ARHGAP15: variants seen among roughly 807,000 people sequenced by gnomAD.
The protein encoded by ARHGAP15 is Rho GTPase activating protein 15.
A neutral mutation model predicts 63.7 loss-of-function variants in ARHGAP15; 51 were observed. The ratio of observed to expected loss-of-function variants is 0.80; its 90% confidence interval spans 0.64 to 1.01. ARHGAP15 has a LOEUF of 1.01. ARHGAP15 is among the 50% of genes least tolerant of loss of function. The probability of loss-of-function intolerance (pLI) is 0.00; values close to 1 mark genes in which losing one functional copy is unlikely to be tolerated. For missense variants in ARHGAP15, 560 were observed against 564.6 expected (o/e 0.99, Z 0.08); for synonymous variants, 191 against 193.8 (o/e 0.99, Z 0.12).
intron 11 of ARHGAP15, among the ~76,000 whole-genome samples, chr2:143,592,216 T>C (rs1426481466): frequency 6.6e-6 from 1 of 152,198 alleles, no homozygotes; most frequent in Non-Finnish European, 1.5e-5. Context: ...TGTTCAGATA[T>C]TTATTACTTT....
At chr2:143,569,217 G>C (rs1024983290) in intron 11 of ARHGAP15, among the ~76,000 whole-genome samples, 1 of 151,936 alleles carries the variant, frequency 6.6e-6, no homozygotes, top group Non-Finnish European at 1.5e-5. Context: ...CTTCAAATGG[G>C]GATTTATTCA....
intron 6 of ARHGAP15, among the ~76,000 whole-genome samples, chr2:143,356,421 C>T (rs538931575): frequency 4.6e-5 from 7 of 152,226 alleles, no homozygotes; most frequent in Non-Finnish European, 8.8e-5. Context: ...CTTCCCCCAC[C>T]ATGATCTTTT....
chr2:143,469,812 A>G (rs1691428525), intron 8 of ARHGAP15, among the ~76,000 whole-genome samples: 1 of 152,186 alleles, frequency 6.6e-6, no homozygotes, highest in Non-Finnish European at 1.5e-5. Flanking sequence ...ATTTCTTTTT[A>G]ATGTGGCTAC....
At chr2:143,692,063 C>T (rs781546219) in intron 12 of ARHGAP15, among the ~76,000 whole-genome samples, 3 of 152,082 alleles carry the variant, frequency 2.0e-5, no homozygotes, top group South Asian at 2.1e-4. Context: ...GTAATCCTCC[C>T]GAAACTTCTG....
rs374076426 is a variant in ARHGAP15 at position 143,329,927 on chromosome 2, C to CAA, written c.474+79341_474+79342dup. On this transcript the variant is annotated intron_variant, in intron 6 of 13. Coordinates refer to ENST00000295095, the MANE Select transcript of ARHGAP15 (RefSeq NM_018460.4). ...CCCTGCCCTCCAACCCCCATCACTA[C>CAA]AAAAAAAAAAAAAAATTAGCCAAGC... Among the ~76,000 whole-genome samples, 195 of 109,206 alleles carry CAA rather than the reference C, an allele frequency of 1.8e-3. 5 individuals carry two copies. Among genetic ancestry groups the CAA allele is most frequent in the African/African-American group, 2.1e-3 (59 of 28,142 alleles). The allele number at this position is 109,206 out of a possible 152,430, so 71.6% of individuals were successfully genotyped here.
At position 143,481,250 on chromosome 2, in the gene ARHGAP15, A is replaced by G. The variant is rs563312916; in HGVS notation, c.704-6123A>G. 1.9e-3 allele frequency among the ~76,000 whole-genome samples: 290 copies of G among 152,190 alleles called. 2 individuals are homozygous for G. The highest frequency in any genetic ancestry group is 6.2e-3 in the African/African-American group (257 of 41,528). On this transcript the variant is annotated intron_variant, in intron 8 of 13. Transcript: ENST00000295095. ...CTCCTAGCTGCTAACAAAACTATCT[A>G]CCTACACTGATGTTGATCTCAATGT...
intron 11 of ARHGAP15, among the ~76,000 whole-genome samples, chr2:143,564,760 C>G (rs1474387569): frequency 6.6e-6 from 1 of 152,134 alleles, no homozygotes; most frequent in Non-Finnish European, 1.5e-5. Flanking sequence ...CATTATATAA[C>G]TAAAAACTAC....
rs141187467 is a variant in ARHGAP15 at position 143,178,187 on chromosome 2, G to A, written c.165+22532G>A. 3.0e-3 allele frequency among the ~76,000 whole-genome samples: 464 copies of A among 152,204 alleles called. 3 individuals carry two copies. Among genetic ancestry groups the A allele is most frequent in the African/African-American group, 0.011 (448 of 41,528 alleles). Reference sequence around the variant, plus strand: ...GGAGGATTACAAGATTTATTATGCCGCACCATAATTATCTATCAATGGTCA... The same window carrying A: ...GGAGGATTACAAGATTTATTATGCCACACCATAATTATCTATCAATGGTCA... On this transcript the variant is annotated intron_variant, in intron 2 of 13. Transcript: ENST00000295095.
At chr2:143,545,757 T>C (rs1296470112) in intron 10 of ARHGAP15, among the ~76,000 whole-genome samples, 1 of 152,192 alleles carries the variant, frequency 6.6e-6, no homozygotes, top group Non-Finnish European at 1.5e-5. Context: ...GGATTTTTTT[T>C]TCCTACGTCT....
At chr2:143,462,929 G>C (rs569098989) in intron 8 of ARHGAP15, among the ~76,000 whole-genome samples, 2 of 152,168 alleles carry the variant, frequency 1.3e-5, no homozygotes, top group Non-Finnish European at 1.5e-5. Flanking sequence ...CCAAGGCAGA[G>C]GCTATTTGGG....
At chr2:143,262,198 G>A (rs372788070) in intron 6 of ARHGAP15, among the ~76,000 whole-genome samples, 1 of 152,182 alleles carries the variant, frequency 6.6e-6, no homozygotes, top group African/African-American at 2.4e-5. Flanking sequence ...CTAAGAGGAT[G>A]TGAAGCAGGG....
intron 9 of ARHGAP15, among the ~76,000 whole-genome samples, chr2:143,496,251 G>T (rs1692810225): frequency 6.6e-6 from 1 of 152,088 alleles, no homozygotes; most frequent in South Asian, 2.1e-4. Context: ...CATGCGAGAT[G>T]GAGAAATGTT....
At chr2:143,314,254 T>G (rs1407308740) in intron 6 of ARHGAP15, among the ~76,000 whole-genome samples, 1 of 152,222 alleles carries the variant, frequency 6.6e-6, no homozygotes, top group African/African-American at 2.4e-5. Context: ...TACGTGAATT[T>G]TATTTTATTT....
At chr2:143,458,532 T>C (rs1258204383) in intron 8 of ARHGAP15, among the ~76,000 whole-genome samples, 2 of 152,126 alleles carry the variant, frequency 1.3e-5, no homozygotes, top group Non-Finnish European at 2.9e-5. Flanking sequence ...GGGCCGGTGA[T>C]CATGGGCCAG....
intron 6 of ARHGAP15, among the ~76,000 whole-genome samples, chr2:143,274,649 T>G (rs551919448): frequency 2.9e-4 from 44 of 152,236 alleles, no homozygotes; most frequent in Non-Finnish European, 5.0e-4. Context: ...AACTGTCTCA[T>G]GTTACCATAC....
At chr2:143,309,012 A>G (rs914566066) in intron 6 of ARHGAP15, among the ~76,000 whole-genome samples, 1 of 151,052 alleles carries the variant, frequency 6.6e-6, no homozygotes, top group African/African-American at 2.4e-5. Flanking sequence ...TTATTCTGAT[A>G]ATATTATCTC....
intron 6 of ARHGAP15, among the ~76,000 whole-genome samples, chr2:143,388,944 T>A (rs1558938417): frequency 6.6e-6 from 1 of 151,852 alleles, no homozygotes; most frequent in Non-Finnish European, 1.5e-5. Flanking sequence ...AAGTGGAGAA[T>A]TAATTTTTTT....
chr2:143,578,896 T>C (rs1696781631), intron 11 of ARHGAP15, among the ~76,000 whole-genome samples: 1 of 152,208 alleles, frequency 6.6e-6, no homozygotes, highest in Admixed American at 6.6e-5. Flanking sequence ...ATTAGCCATT[T>C]TCTTTGGCAT....
rs1031410053 is a variant in ARHGAP15 at position 143,660,920 on chromosome 2, T to A, written c.1138+36653T>A. ...AGCAACTTCTTACAGTTCTGTAGTT[T>A]AGAAGTCTGGCACTGGTCTCACTGG... is the stretch of plus-strand genomic sequence containing the variant. On this transcript the variant is annotated intron_variant, in intron 12 of 13. Coordinates refer to ENST00000295095, the MANE Select transcript of ARHGAP15 (RefSeq NM_018460.4). Among the ~76,000 whole-genome samples, 7 of 152,234 alleles carry A rather than the reference T, an allele frequency of 4.6e-5. No homozygotes were observed. The South Asian group carries it at 1.4e-3, about 31-fold the overall frequency.
Sources: gnomAD v4.1 joint callset for allele counts (sites outside exome capture counted in the v4.1 genomes callset) on GRCh38, gnomAD v4.1.1 for gene constraint, MANE v1.5 for transcripts, NCBI Gene and HGNC (gene_info 2026-07-23, HGNC 2026-07-21) for gene names.